The following CACNB2 variants were observed in gnomAD, a reference collection of about 807,000 sequenced individuals.
CACNB2 encodes calcium voltage-gated channel auxiliary subunit beta 2.
CACNB2 carries 42 observed loss-of-function variants against 73.3 expected under a neutral mutation model. The observed-to-expected ratio is 0.57, with a 90% CI of 0.45 to 0.74. The LOEUF (loss-of-function observed/expected upper bound fraction) is 0.74. CACNB2 is among the 30% of genes least tolerant of loss of function. The pLI, the probability that CACNB2 is intolerant of heterozygous loss-of-function variation, is 0.00. For missense variants in CACNB2, 940 were observed against 853.0 expected, an observed-to-expected ratio of 1.10 and a Z score of -1.27; for synonymous variants, 348 against 310.3, an observed-to-expected ratio of 1.12 and a Z score of -1.28.
chr10:18,406,534 C>G (rs1386057115), intron 3 of CACNB2, among the ~76,000 whole-genome samples: 1 of 152,062 alleles, frequency 6.6e-6, no homozygotes, highest in Admixed American at 6.6e-5. Context: ...TGTGAGCGAT[C>G]GAGGTTGCGC....
chr10:18,272,670 T>G (rs1254059685), intron 2 of CACNB2, among the ~76,000 whole-genome samples: 2 of 152,166 alleles, frequency 1.3e-5, no homozygotes, highest in Non-Finnish European at 2.9e-5. Context: ...TCTGATGGTT[T>G]TATAAAGGGG....
intron 6 of CACNB2, among the ~76,000 whole-genome samples, chr10:18,507,228 G>GAT (rs1278040773): frequency 1.3e-5 from 2 of 152,140 alleles, no homozygotes; most frequent in Non-Finnish European, 2.9e-5. Flanking sequence ...AAAAACTTTA[G>GAT]AAAGGTAAGG....
At chr10:18,466,292 G>A (rs2047881663) in intron 3 of CACNB2, among the ~76,000 whole-genome samples, 1 of 152,170 alleles carries the variant, frequency 6.6e-6, no homozygotes, top group Non-Finnish European at 1.5e-5. Context: ...CTAGAGTGCA[G>A]TGACATGATC....
intron 2 of CACNB2, among the ~76,000 whole-genome samples, chr10:18,225,163 A>G (rs1482645445): frequency 2.0e-5 from 3 of 149,754 alleles, no homozygotes; most frequent in African/African-American, 7.4e-5. Flanking sequence ...GATCTATTGT[A>G]TTTTTCCATG....
chr10:18,303,685 A>G (rs2039618551), intron 2 of CACNB2, among the ~76,000 whole-genome samples: 1 of 152,156 alleles, frequency 6.6e-6, no homozygotes, highest in Non-Finnish European at 1.5e-5. Context: ...GTTATCCTGG[A>G]AAAAATACTG....
chr10:18,425,782 C>G (rs1049757787), intron 3 of CACNB2, among the ~76,000 whole-genome samples: 1 of 152,116 alleles, frequency 6.6e-6, no homozygotes, highest in African/African-American at 2.4e-5. Flanking sequence ...ATCTGTAATT[C>G]CTCGATCTTT....
At chr10:18,480,292 A>G (rs2048657538) in intron 3 of CACNB2, among the ~76,000 whole-genome samples, 1 of 151,104 alleles carries the variant, frequency 6.6e-6, no homozygotes, top group Non-Finnish European at 1.5e-5. Context: ...AATATTGGAG[A>G]TGTGGGATTT....
intron 3 of CACNB2, among the ~76,000 whole-genome samples, chr10:18,489,256 G>C (rs1040662555): frequency 3.3e-5 from 5 of 151,926 alleles, no homozygotes; most frequent in African/African-American, 1.2e-4. Flanking sequence ...TGGACATGGT[G>C]GTGGGTGCCT....
intron 2 of CACNB2, among the ~76,000 whole-genome samples, chr10:18,258,887 AG>A (rs1216164161): frequency 8.7e-6 from 1 of 114,596 alleles, no homozygotes; most frequent in African/African-American, 3.7e-5. Flanking sequence ...GAAAATGGTG[AG>A]GGATTTTTTT....
intron 9 of CACNB2, among the ~76,000 whole-genome samples, chr10:18,519,561 A>C (rs890534874): frequency 1.3e-5 from 2 of 152,194 alleles, no homozygotes; most frequent in African/African-American, 2.4e-5. Context: ...CCTCTCTGCT[A>C]GAAGTATCCA....
At chr10:18,141,723 C>G (rs1276044061) in intron 1 of CACNB2, among the ~76,000 whole-genome samples, 1 of 152,202 alleles carries the variant, frequency 6.6e-6, no homozygotes, top group Admixed American at 6.5e-5. Context: ...ACAGACACCT[C>G]CAGGTCTCAG....
chr10:18,175,552 A>T (rs574441792), intron 2 of CACNB2, among the ~76,000 whole-genome samples: 1 of 152,178 alleles, frequency 6.6e-6, no homozygotes, highest in South Asian at 2.1e-4. Context: ...ACACACACCC[A>T]CTGCCAGGGA....
At chr10:18,262,907 G>T (rs1163152283) in intron 2 of CACNB2, among the ~76,000 whole-genome samples, 2 of 152,120 alleles carry the variant, frequency 1.3e-5, no homozygotes, top group Non-Finnish European at 2.9e-5. Context: ...ACATAATCTG[G>T]ATTTTTGAAG....
intron 2 of CACNB2, among the ~76,000 whole-genome samples, chr10:18,157,093 A>T (rs2032111263): frequency 6.6e-6 from 1 of 150,804 alleles, no homozygotes; most frequent in South Asian, 2.1e-4. Context: ...ACTGTGGTTT[A>T]TCTGATTGCT....
At chr10:18,157,265 G>T (rs959713333) in intron 2 of CACNB2, among the ~76,000 whole-genome samples, 3 of 152,120 alleles carry the variant, frequency 2.0e-5, no homozygotes, top group Non-Finnish European at 2.9e-5. Context: ...GGTTAGTGGC[G>T]AACGCCTGGA....
chr10:18,439,837 C>A (rs1442372827), intron 3 of CACNB2, among the ~76,000 whole-genome samples: 1 of 152,132 alleles, frequency 6.6e-6, no homozygotes, highest in Non-Finnish European at 1.5e-5. Flanking sequence ...GATCTCCCAG[C>A]CACCAGGAAC....
At chr10:18,243,675 G>A (rs2036748998) in intron 2 of CACNB2, among the ~76,000 whole-genome samples, 1 of 152,116 alleles carries the variant, frequency 6.6e-6, no homozygotes, top group South Asian at 2.1e-4. Flanking sequence ...AGAGCAGGAT[G>A]GTTAAGAAGA....
At chr10:18,348,169 T>A (rs920645174) in intron 2 of CACNB2, among the ~76,000 whole-genome samples, 4 of 152,204 alleles carry the variant, frequency 2.6e-5, no homozygotes, top group Non-Finnish European at 4.4e-5. Flanking sequence ...CATAACAAGA[T>A]AAAAACACGT....
rs188285787 is a variant in CACNB2 at position 18,329,869 on chromosome 10, G to A, written c.214-72055G>A. Reference sequence around the variant, plus strand: ...GTTTTCTTTTTTGAGATGGAGTCTCGCTCTGTGTCCCAGGCTGGAGTGCAG... The same window carrying A: ...GTTTTCTTTTTTGAGATGGAGTCTCACTCTGTGTCCCAGGCTGGAGTGCAG... On this transcript the variant is annotated intron_variant, in intron 2 of 13. Coordinates refer to ENST00000324631, the MANE Select transcript of CACNB2 (RefSeq NM_201596.3). Among the ~76,000 whole-genome samples the A allele has an allele frequency of 3.6e-4, 55 of 152,018 alleles. 1 individual carries two copies. Among genetic ancestry groups the A allele is most frequent in the South Asian group, 2.1e-4 (1 of 4,816 alleles).
Sources: allele counts gnomAD v4.1 joint callset (sites outside exome capture counted in the v4.1 genomes callset), GRCh38; gene constraint gnomAD v4.1.1; transcripts MANE v1.5; gene names NCBI Gene and HGNC (gene_info 2026-07-23, HGNC 2026-07-21).